EPC2: variants seen among roughly 807,000 people sequenced by gnomAD.
EPC2 encodes the protein enhancer of polycomb 2, also known as enhancer of polycomb homolog 2.
A neutral mutation model predicts 92.1 loss-of-function variants in EPC2; 14 were observed. That is an observed-to-expected ratio of 0.15 (90% CI 0.10 to 0.24). The LOEUF is 0.24. EPC2 is among the 10% of genes least tolerant of loss of function. The probability of loss-of-function intolerance (pLI) is 1.00; values close to 1 mark genes in which losing one functional copy is unlikely to be tolerated. For synonymous variants in EPC2, 340 were observed against 334.7 expected (o/e 1.02, Z -0.17); for missense variants, 755 against 971.5 (o/e 0.78, Z 2.96).
At chr2:148,713,790 A>G (rs1388737373) in intron 2 of EPC2, among the ~76,000 whole-genome samples, 2 of 152,232 alleles carry the variant, frequency 1.3e-5, no homozygotes, top group African/African-American at 2.4e-5. Context: ...CCTAGGAGCA[A>G]TAGGCTACAG....
At chr2:148,740,172 T>C (rs948275270) in intron 2 of EPC2, among the ~76,000 whole-genome samples, 14 of 151,912 alleles carry the variant, frequency 9.2e-5, no homozygotes, top group African/African-American at 3.4e-4. Flanking sequence ...GAATCTCTTC[T>C]TATATTTATA....
chr2:148,659,525 CAT>C (rs776570350), intron 1 of EPC2, among the ~76,000 whole-genome samples: 18 of 152,030 alleles, frequency 1.2e-4, no homozygotes, highest in Admixed American at 2.0e-4. Context: ...TTTGTGGAAA[CAT>C]ATTACTGATG....
At position 148,784,884 on chromosome 2, in the gene EPC2, A is replaced by C; in HGVS notation, c.2234A>C (p.His745Pro). The change falls in exon 13 of 14, where the codon CAT (histidine) becomes CCT (proline). Residue 745 changes from histidine to proline, a missense_variant. Physicochemically the swap from His to Pro is moderately conservative, Grantham distance 77. This residue lies in a region of EPC2 where 207 missense variants were observed against 260.5 expected (regional missense o/e 0.79). Coordinates refer to ENST00000258484, the MANE Select transcript of EPC2 (RefSeq NM_015630.4). ...AGTGTTGTTTCTCCAGTCAATGTGC[A>C]TATCAATACACGGACTTCAGCACCA... ...NVSVVSPVNV[H>P]INTRTSAPSP... 6.2e-7 allele frequency: 1 copy of C among 1,611,204 alleles called. No individual in the cohort carries two copies. The highest frequency in any genetic ancestry group is 8.5e-7 in the Non-Finnish European group (1 of 1,178,392).
rs771470479 is a variant in EPC2, at chr2:148,770,941, A to T, written c.1376+4A>T. 1.1e-4 allele frequency: 169 copies of T among 1,607,800 alleles called. No homozygotes were observed. The highest frequency in any genetic ancestry group is 1.7e-4 in the Middle Eastern group (1 of 6,020). On this transcript the variant is annotated splice_donor_region_variant and intron_variant, in intron 9 of 13. Transcript: ENST00000258484. ...GGCGAATTGGCAGAGGTGGAAGGTG[A>T]AGTATTTGTTTTCACCTGGTTTTTG...
intron 8 of EPC2, 90 bp downstream of exon 8, chr2:148,769,330 G>A: frequency 1.1e-6 from 1 of 872,198 alleles, no homozygotes; most frequent in Admixed American, 2.0e-5. Flanking sequence ...TCTAAAAATG[G>A]GAAATGCATC....
chr2:148,773,969 T>G (rs1346529332), intron 10 of EPC2, among the ~76,000 whole-genome samples: 1 of 152,120 alleles, frequency 6.6e-6, no homozygotes, highest in Non-Finnish European at 1.5e-5. Flanking sequence ...TTCCTTCTGC[T>G]TGTTCTTAGT....
At position 148,783,603 on chromosome 2, in the gene EPC2, A is replaced by G. The variant is rs780815617; in HGVS notation, c.1864A>G (p.Ser622Gly). Residue 622 changes from serine to glycine, a missense_variant, in exon 12 of 14, where the codon AGC (serine) becomes GGC (glycine). Around this residue, in one of 4 missense-constraint regions of EPC2, gnomAD observed 207 missense variants for 260.5 expected, o/e 0.79. Coordinates refer to ENST00000258484, the MANE Select transcript of EPC2 (RefSeq NM_015630.4). The part of the protein sequence containing the change: ...QQTHPKAQGS[S>G]TSDCMSKTLD... Reference sequence around the variant, plus strand: ...AACTTTGTTCATTTTATAGGGCTCAAGCACCTCTGACTGTATGTCTAAAAC... The same window carrying G: ...AACTTTGTTCATTTTATAGGGCTCAGGCACCTCTGACTGTATGTCTAAAAC... The G allele has an allele frequency of 2.8e-5, 45 of 1,605,494 alleles. No homozygotes were observed. Among genetic ancestry groups the G allele is most frequent in the Middle Eastern group, 1.6e-4 (1 of 6,070 alleles).
At chr2:148,693,301 C>T (rs1207114699) in intron 2 of EPC2, among the ~76,000 whole-genome samples, 1 of 152,168 alleles carries the variant, frequency 6.6e-6, no homozygotes, top group East Asian at 1.9e-4. Context: ...GTAGGATGGC[C>T]TTGTTCAGGT....
chr2:148,690,728 T>C (rs921240), intron 2 of EPC2, among the ~76,000 whole-genome samples: 29,079 of 152,066 alleles, frequency 0.19, 3,689 homozygotes, highest in East Asian at 0.48. Flanking sequence ...AGTGGCATGA[T>C]CTTGGCTCAC....
At chr2:148,671,287 A>ATTTTTTTTT (rs60048357) in intron 1 of EPC2, among the ~76,000 whole-genome samples, 1 of 127,092 alleles carries the variant, frequency 7.9e-6, no homozygotes, top group Non-Finnish European at 1.7e-5. Context: ...GTGGATTGTG[A>ATTTTTTTTT]TTTTTTTTTT....
At chr2:148,676,441 CTT>C (rs1296862060) in intron 1 of EPC2, among the ~76,000 whole-genome samples, 4 of 151,728 alleles carry the variant, frequency 2.6e-5, no homozygotes, top group Non-Finnish European at 5.9e-5. Context: ...CATTAAAAAA[CTT>C]TATTTTATAA....
chr2:148,659,021 G>A (rs1021448184), intron 1 of EPC2, among the ~76,000 whole-genome samples: 3 of 152,132 alleles, frequency 2.0e-5, no homozygotes, highest in Admixed American at 1.3e-4. Flanking sequence ...ATGGGTGGTG[G>A]TGGTGGCAGA....
At chr2:148,691,417 A>G in intron 2 of EPC2, 1 of 1,177,032 alleles carries the variant, frequency 8.5e-7, no homozygotes, top group Non-Finnish European at 1.2e-6. Flanking sequence ...TCTGGGTGTG[A>G]AGTCTGGTGA....
rs559425991 is a variant in EPC2 at position 148,735,799 on chromosome 2, T to C, written c.314-7823T>C. ...ATCGTTTTCTTAATATCATCAAATA[T>C]TTAATCAGTGTGCATATTTCTTGAC... is the stretch of plus-strand genomic sequence containing the variant. On this transcript the variant is annotated intron_variant, in intron 2 of 13. Coordinates refer to ENST00000258484, the MANE Select transcript of EPC2 (RefSeq NM_015630.4). 5.3e-5 allele frequency among the ~76,000 whole-genome samples: 8 copies of C among 151,960 alleles called. No individual in the cohort carries two copies. The East Asian group carries it at 1.4e-3, about 26-fold the overall frequency.
rs1251471165 is a variant in EPC2 at position 148,644,888 on chromosome 2, T to TGAG, written c.-117_-115dup. The TGAG allele has an allele frequency of 2.6e-5, 19 of 741,388 alleles. No individual in the cohort carries two copies. The highest frequency in any genetic ancestry group is 8.7e-5 in the South Asian group (5 of 57,214). The allele number at this position is 741,388 out of a possible 1,614,324, so 45.9% of individuals were successfully genotyped here. On this transcript the variant is annotated 5_prime_UTR_variant, in exon 1 of 14. Transcript: ENST00000258484. ...GCGCCCATGCTGTGGCCGGGGGCAG[T>TGAG]GAGGAGGAGGAGGAGCGGGCCGGCC...
At chr2:148,690,606 A>G (rs534548778) in intron 2 of EPC2, among the ~76,000 whole-genome samples, 1 of 152,340 alleles carries the variant, frequency 6.6e-6, no homozygotes, top group South Asian at 2.1e-4. Context: ...GATTTTGTAT[A>G]GCACTTATAC....
At chr2:148,775,716 A>AAATTAAAT (rs1683625037) in intron 10 of EPC2, among the ~76,000 whole-genome samples, 1 of 5,096 alleles carries the variant, frequency 2.0e-4, no homozygotes, top group Admixed American at 1.9e-3. Flanking sequence ...TTATTAAATA[A>AAATTAAAT]AAAATTAAAT....
intron 2 of EPC2, among the ~76,000 whole-genome samples, chr2:148,727,787 T>TA (rs1291525508): frequency 5.3e-5 from 8 of 152,216 alleles, no homozygotes; most frequent in Non-Finnish European, 1.2e-4. Context: ...AACACAAAAT[T>TA]ATCTTTAGAT....
intron 1 of EPC2, among the ~76,000 whole-genome samples, chr2:148,647,064 C>T (rs547589119): frequency 6.6e-4 from 101 of 152,052 alleles, no homozygotes; most frequent in African/African-American, 2.3e-3. Flanking sequence ...GAGCAGAGAT[C>T]GTGCCACTGC....
Sources: gnomAD v4.1 joint callset for allele counts (sites outside exome capture counted in the v4.1 genomes callset) on GRCh38, gnomAD v4.1.1 for gene constraint, gnomAD v4.1.1 regional missense constraint, MANE v1.5 for transcripts, NCBI Gene and HGNC (gene_info 2026-07-23, HGNC 2026-07-21) for gene names.